NPR3: variants seen among roughly 807,000 people sequenced by gnomAD.
NPR3 encodes atrial natriuretic peptide receptor 3.
In NPR3, 34 loss-of-function variants were observed where a neutral mutation model predicts 54.5. The observed-to-expected ratio is 0.62, with a 90% CI of 0.47 to 0.83. The LOEUF is 0.83. NPR3 is among the 40% of genes least tolerant of loss of function. NPR3 has a pLI of 0.00. For synonymous variants in NPR3, 289 were observed against 297.1 expected (o/e 0.97, Z 0.28); for missense variants, 674 against 720.8 (o/e 0.94, Z 0.74).
At chr5:32,727,628 T>C (rs978307293) in intron 2 of NPR3, among the ~76,000 whole-genome samples, 2 of 152,234 alleles carry the variant, frequency 1.3e-5, no homozygotes, top group Admixed American at 1.3e-4. Context: ...TTGTTCTTAG[T>C]ATTTTATGTT....
intron 1 of NPR3, among the ~76,000 whole-genome samples, chr5:32,715,517 C>A (rs189060416): frequency 1.2e-4 from 18 of 152,246 alleles, no homozygotes; most frequent in African/African-American, 4.3e-4. Context: ...GATTTACCAT[C>A]TAAGTCAATA....
chr5:32,764,363 G>C (rs753273205), intron 3 of NPR3, among the ~76,000 whole-genome samples: 5 of 152,020 alleles, frequency 3.3e-5, no homozygotes, highest in Non-Finnish European at 7.4e-5. Flanking sequence ...TCTGGGGCCA[G>C]GGGGTACCCT....
At chr5:32,782,177 G>T (rs1331640652) in intron 5 of NPR3, among the ~76,000 whole-genome samples, 1 of 152,164 alleles carries the variant, frequency 6.6e-6, no homozygotes, top group Non-Finnish European at 1.5e-5. Flanking sequence ...TGCACATAGG[G>T]TGGGTTCATC....
At chr5:32,766,102 G>A (rs553338705) in intron 3 of NPR3, among the ~76,000 whole-genome samples, 3 of 152,336 alleles carry the variant, frequency 2.0e-5, no homozygotes, top group East Asian at 3.9e-4. Context: ...AGAGGATGGC[G>A]GGGGTGCCCA....
At chr5:32,745,604 G>A (rs1327284617) in intron 3 of NPR3, among the ~76,000 whole-genome samples, 1 of 152,156 alleles carries the variant, frequency 6.6e-6, no homozygotes, top group Non-Finnish European at 1.5e-5. Context: ...CCCATAAGGG[G>A]GCAAACCCAT....
Position 32,729,250 on chromosome 5 carries a change from C to T in NPR3, c.892+4430C>T, listed in dbSNP as rs373806252. 3.3e-5 allele frequency among the ~76,000 whole-genome samples: 5 copies of T among 151,832 alleles called. No homozygotes were observed. The East Asian group carries it at 5.8e-4, about 18-fold the overall frequency. ...TTCACCGTTTTAGCCCGGATGGTCT[C>T]GATCTCCTGACCTCGTGATCCGCCC... On this transcript the variant is annotated intron_variant, in intron 2 of 7. Coordinates refer to ENST00000265074, the MANE Select transcript of NPR3 (RefSeq NM_001204375.2).
Position 32,702,575 on chromosome 5 carries a change from T to G in NPR3, c.100+13389T>G, listed in dbSNP as rs573762239. On this transcript the variant is annotated intron_variant, in intron 1 of 5. Transcript: ENST00000509104. ...TGATTTCCAATTTCATCCGTGTCCC[T>G]ACAAAGGACATGAACTCATCATTTT... 7.9e-5 allele frequency among the ~76,000 whole-genome samples: 12 copies of G among 152,244 alleles called. No individual in the cohort carries two copies. In the South Asian group the frequency reaches 2.3e-3, roughly 29 times the overall value.
intron 2 of NPR3, among the ~76,000 whole-genome samples, chr5:32,728,144 G>A (rs895633589): frequency 1.5e-4 from 23 of 152,258 alleles, no homozygotes; most frequent in African/African-American, 5.1e-4. Flanking sequence ...AGGGTTTTGG[G>A]TCTATATTCA....
In NPR3 at chr5:32,790,325, C is replaced by G. The variant is rs139574977; in HGVS notation, c.*3980C>G. 3.9e-3 allele frequency: 657 copies of G among 168,454 alleles called. 1 individual carries two copies. The highest frequency in any genetic ancestry group is 6.5e-3 in the Non-Finnish European group (448 of 69,180). 10.4% of individuals were successfully genotyped at this position (168,454 alleles called of 1,614,324 possible). On this transcript the variant is annotated 3_prime_UTR_variant, in exon 8 of 8. Coordinates refer to ENST00000265074, the MANE Select transcript of NPR3 (RefSeq NM_001204375.2). ...TAGAAGAGGGTAGCTTTGCCCATTG[C>G]CACTGTCTTTACTGCCCCTTCTGCC...
chr5:32,733,823 T>C (rs1001113832), intron 2 of NPR3, among the ~76,000 whole-genome samples: 6 of 152,214 alleles, frequency 3.9e-5, no homozygotes, highest in African/African-American at 1.4e-4. Context: ...TTTAACGTTT[T>C]TGTCAATCAC....
Position 32,738,885 on chromosome 5 carries a change from G to A in NPR3, c.914G>A (p.Gly305Glu). 1 of 1,613,792 alleles carries A rather than the reference G, an allele frequency of 6.2e-7. No individual in the cohort carries two copies. The highest frequency in any genetic ancestry group is 8.5e-7 in the Non-Finnish European group (1 of 1,179,762). ...SSYGDGSWKR[G>E]DKHDFEAKQA... Reference sequence around the variant, plus strand: ...ATAGGAGATGGCTCATGGAAGAGAGGAGACAAACACGACTTTGAAGCTAAG... The same window carrying A: ...ATAGGAGATGGCTCATGGAAGAGAGAAGACAAACACGACTTTGAAGCTAAG... The change falls in exon 3 of 8, where the codon GGA becomes GAA. Residue 305 changes from glycine (G) to glutamate (E), a missense_variant. By Grantham distance (98) the Gly-to-Glu change is moderately conservative. Transcript: ENST00000265074.
chr5:32,781,763 G>T (rs1201712930), intron 5 of NPR3, among the ~76,000 whole-genome samples: 1 of 152,158 alleles, frequency 6.6e-6, no homozygotes, highest in African/African-American at 2.4e-5. Context: ...GGAAAGGTGG[G>T]TAGCGACAGT....
At chr5:32,768,632 A>C (rs1741597880) in intron 3 of NPR3, among the ~76,000 whole-genome samples, 1 of 152,102 alleles carries the variant, frequency 6.6e-6, no homozygotes, top group Non-Finnish European at 1.5e-5. Flanking sequence ...TGAGGGCCCT[A>C]ACTCTACCTA....
In NPR3 at chr5:32,711,444, A is replaced by G. The variant is rs1435067144; in HGVS notation, c.-333A>G. ...AAAGCAACCTTAGCAACGCCCAAAT[A>G]AGAAGCCACCTCTAAGCAAAATAGT... is the stretch of plus-strand genomic sequence containing the variant. On this transcript the variant is annotated 5_prime_UTR_variant, in exon 1 of 8. The change creates a new upstream start codon in the 5' untranslated region. Coordinates refer to ENST00000265074, the MANE Select transcript of NPR3 (RefSeq NM_001204375.2). 1 of 1,063,524 alleles carries G rather than the reference A, an allele frequency of 9.4e-7. No homozygotes were observed. Among genetic ancestry groups the G allele is most frequent in the Admixed American group, 5.4e-5 (1 of 18,482 alleles). 65.9% of individuals were successfully genotyped at this position (1,063,524 alleles called of 1,614,324 possible).
intron 4 of NPR3, among the ~76,000 whole-genome samples, chr5:32,776,734 A>G (rs1407250260): frequency 2.0e-5 from 3 of 152,340 alleles, no homozygotes; most frequent in South Asian, 2.1e-4. Flanking sequence ...TCAGCAGTGA[A>G]CTAAAGACAT....
chr5:32,774,348 A>AG lies in NPR3; in HGVS notation c.1060-355dup, dbSNP rs201070105. 5.4e-3 allele frequency among the ~76,000 whole-genome samples: 823 copies of AG among 152,322 alleles called. 11 individuals are homozygous for AG. Among genetic ancestry groups the AG allele is most frequent in the South Asian group, 0.032 (153 of 4,826 alleles). On this transcript the variant is annotated intron_variant, in intron 3 of 7. Transcript: ENST00000265074. ...GCTGTTGAAGGTGGAGAAGACCTCA[A>AG]GGGGGAAGCTGAATTCACATAAGCT...
At chr5:32,737,054 G>C in intron 2 of NPR3, among the ~76,000 whole-genome samples, 1 of 152,120 alleles carries the variant, frequency 6.6e-6, no homozygotes. Flanking sequence ...TGGCTGTCAG[G>C]CACATTTGCA....
At position 32,789,488 on chromosome 5, in the gene NPR3, T is replaced by C. The variant is rs1433329323; in HGVS notation, c.*3143T>C. The C allele has an allele frequency of 1.9e-6, 1 of 534,644 alleles. No individual in the cohort carries two copies. Among genetic ancestry groups the C allele is most frequent in the Non-Finnish European group, 3.8e-6 (1 of 260,104 alleles). 33.1% of individuals were successfully genotyped at this position (534,644 alleles called of 1,614,324 possible). A position where few individuals can be genotyped will look rare whatever the true frequency, so the allele number is the denominator to read the frequency against. On this transcript the variant is annotated 3_prime_UTR_variant, in exon 8 of 8. Coordinates refer to ENST00000265074, the MANE Select transcript of NPR3 (RefSeq NM_001204375.2). ...ACCACAGGAATGGTTCTACAGACCC[T>C]ACTATAATTCTTCACATTTCAGAAC...
chr5:32,741,191 G>A (rs1416141617), intron 3 of NPR3, among the ~76,000 whole-genome samples: 1 of 152,068 alleles, frequency 6.6e-6, no homozygotes, highest in Non-Finnish European at 1.5e-5. Context: ...GCCTGAGGCA[G>A]GCAATTGCTT....
Sources: gnomAD v4.1 joint callset for allele counts (sites outside exome capture counted in the v4.1 genomes callset) on GRCh38, gnomAD v4.1.1 for gene constraint, MANE v1.5 for transcripts, NCBI Gene and HGNC (gene_info 2026-07-23, HGNC 2026-07-21) for gene names.